Variants in TG observed in about 807,000 individuals in gnomAD.
The protein encoded by TG is thyroglobulin, also known as thyroid hormones.
In TG, 270 loss-of-function variants were observed where a neutral mutation model predicts 324.7. The ratio of observed to expected loss-of-function variants is 0.83; its 90% CI spans 0.75 to 0.92. TG has a LOEUF of 0.92. Among genes scored for constraint, TG ranks in the 40% least tolerant of loss-of-function variants. The pLI is 0.00. For missense variants in TG, 3,591 were observed against 3,456.4 expected (o/e 1.04, Z -0.98); for synonymous variants, 1,401 against 1,327.0 (o/e 1.06, Z -1.21).
chr8:133,039,948 T>G (rs1178941266), intron 41 of TG: 1 of 1,480,452 alleles, frequency 6.8e-7, no homozygotes, highest in East Asian at 2.6e-5. Context: ...ACAGAGCACT[T>G]GCATGCACAC....
intron 20 of TG, among the ~76,000 whole-genome samples, chr8:132,914,759 A>G (rs1181409065): frequency 3.3e-5 from 5 of 152,128 alleles, no homozygotes; most frequent in Non-Finnish European, 7.4e-5. Context: ...TTTCTATTCC[A>G]TCAGAGCTGC....
intron 43 of TG, among the ~76,000 whole-genome samples, 162 bp from the exon 44 acceptor site, chr8:133,113,260 G>T (rs138341313): frequency 6.6e-6 from 1 of 152,124 alleles, no homozygotes; most frequent in Non-Finnish European, 1.5e-5. Context: ...CTAGAAGGAG[G>T]CAGAGCTGGG....
intron 1 of TG, among the ~76,000 whole-genome samples, chr8:132,867,502 C>T (rs56180949): frequency 0.014 from 2,018 of 147,998 alleles, 51 homozygotes; most frequent in African/African-American, 0.047. Flanking sequence ...CATATGACTT[C>T]GGGCAAAGTG....
chr8:132,901,559 T>C lies in TG; in HGVS notation c.3634+6T>C. On this transcript the variant is annotated splice_donor_region_variant and intron_variant, in intron 16 of 47. Transcript: ENST00000220616. ...GGGCCAGCCCGCCTGTGAGAGTAAG[T>C]CATGACCCCCTGGGGGGACGACGAG... is the stretch of plus-strand genomic sequence containing the variant. 1 of 1,612,016 alleles carries C rather than the reference T, an allele frequency of 6.2e-7. No homozygotes were observed. Among genetic ancestry groups the C allele is most frequent in the Admixed American group, 1.7e-5 (1 of 59,992 alleles).
At position 132,923,462 on chromosome 8, in the gene TG, G is replaced by T. The variant is rs769342611; in HGVS notation, c.4653G>T (p.Leu1551=). 1.2e-6 allele frequency: 2 copies of T among 1,613,984 alleles called. No homozygotes were observed. Among genetic ancestry groups the T allele is most frequent in the African/African-American group, 2.7e-5 (2 of 74,920 alleles). The change falls in exon 22 of 48, where the codon CTG becomes CTT. Residue 1551 remains leucine, a synonymous_variant. Coordinates refer to ENST00000220616, the MANE Select transcript of TG (RefSeq NM_003235.5). The part of the protein sequence containing the change: ...AFCVDGEGRR[L]PWWETEAPLE... Reference sequence around the variant, plus strand: ...GTGTGGACGGCGAGGGGCGGAGGCTGCCATGGTGGGAAACAGAGGCCCCTC... The same window carrying T: ...GTGTGGACGGCGAGGGGCGGAGGCTTCCATGGTGGGAAACAGAGGCCCCTC...
At chr8:133,049,024 C>A (rs979236011) in intron 41 of TG, 8 of 368,322 alleles carry the variant, frequency 2.2e-5, no homozygotes, top group African/African-American at 1.3e-4. Flanking sequence ...TCTTTGCCAA[C>A]TTCCAGCTTC....
In TG at chr8:132,888,486, T is replaced by G. The variant is rs766551531; in HGVS notation, c.2679T>G (p.Phe893Leu). 2.5e-6 allele frequency: 4 copies of G among 1,610,306 alleles called. No homozygotes were observed. In the African/African-American group the frequency reaches 5.3e-5, roughly 22 times the overall value. Residue 893 changes from phenylalanine (F) to leucine (L), a missense_variant, in exon 10 of 48, where the codon TTT (phenylalanine) becomes TTG (leucine). Phe to Leu is a conservative substitution (Grantham distance 22). Transcript: ENST00000220616. ...YSDFSTPLAHFDLRNCWCVDE... is the reference protein window; with the variant it reads ...YSDFSTPLAHLDLRNCWCVDE... ...ACTTCAGCACTCCTTTGGCACATTT[T>G]GATCTTCGGAACTGCTGGTGTGTGG...
In TG at chr8:132,897,799, A is replaced by G. The variant is rs762595928; in HGVS notation, c.3139+13A>G. The G allele has an allele frequency of 5.6e-6, 9 of 1,613,874 alleles. No individual in the cohort carries two copies. In the East Asian group the frequency reaches 1.6e-4, roughly 28 times the overall value. On this transcript the variant is annotated intron_variant, in intron 12 of 47. Coordinates refer to ENST00000220616, the MANE Select transcript of TG (RefSeq NM_003235.5). Reference sequence around the variant, plus strand: ...CACGCTGGGACTGGTAAGGAGGGATAGGCACCTTCAGGTGGCCAAGTGACA... The same window carrying G: ...CACGCTGGGACTGGTAAGGAGGGATGGGCACCTTCAGGTGGCCAAGTGACA...
At chr8:133,125,116 G>T (rs923077174) in intron 45 of TG, among the ~76,000 whole-genome samples, 2 of 152,128 alleles carry the variant, frequency 1.3e-5, no homozygotes, top group Non-Finnish European at 2.9e-5. Context: ...TTTACCTAAC[G>T]CCGTCTATGC....
intron 23 of TG, among the ~76,000 whole-genome samples, chr8:132,930,557 C>T (rs1418837106): frequency 6.6e-6 from 1 of 152,026 alleles, no homozygotes; most frequent in African/African-American, 2.4e-5. Context: ...TGGTGGGTGC[C>T]TGTAATCCCA....
rs1389460758 is a variant in TG at position 133,011,925 on chromosome 8, T to C, written c.6287T>C (p.Leu2096Pro). 2 of 1,614,094 alleles carry C rather than the reference T, an allele frequency of 1.2e-6. No individual in the cohort carries two copies. The highest frequency in any genetic ancestry group is 8.5e-7 in the Non-Finnish European group (1 of 1,180,040). The change falls in exon 36 of 48, where the codon CTG becomes CCG. Residue 2096 changes from leucine to proline, a missense_variant. Coordinates refer to ENST00000220616, the MANE Select transcript of TG (RefSeq NM_003235.5). The part of the protein sequence containing the change: ...EKVSLDSWQS[L>P]ALSSVVVDPS... ...GTGTCTCTGGACTCGTGGCAGTCCC[T>C]GGCCCTCTCTTCAGTGGTTGTTGAT...
intron 35 of TG, among the ~76,000 whole-genome samples, chr8:132,987,418 TTCA>T (rs911681671): frequency 1.5e-5 from 2 of 137,662 alleles, no homozygotes; most frequent in Non-Finnish European, 3.2e-5. Context: ...ATGTAAAATA[TTCA>T]TCTTTATGTA....
chr8:133,017,608 G>A, intron 37 of TG, 170 bp from the exon 38 acceptor site: 1 of 700,860 alleles, frequency 1.4e-6, no homozygotes, highest in Non-Finnish European at 2.4e-6. Context: ...TGTTTACATT[G>A]AAAACCTGAC....
In TG at chr8:132,965,042, T is replaced by C. The variant is rs1587605221; in HGVS notation, c.5549-1518T>C. 3 of 664,100 alleles carry C rather than the reference T, an allele frequency of 4.5e-6. No homozygotes were observed. In the East Asian group the frequency reaches 8.1e-5, roughly 18 times the overall value. 41.1% of individuals were successfully genotyped at this position (664,100 alleles called of 1,614,324 possible). ...TTGTTTCTCTTCTCTTTCTGCTTTC[T>C]TGAGGGGCAATCTGTGATTTCCCTG... On this transcript the variant is annotated intron_variant, in intron 29 of 47. Transcript: ENST00000220616.
intron 44 of TG, 31 bp from the exon 45 acceptor site, chr8:133,116,578 C>A (rs200644440): frequency 1.9e-6 from 3 of 1,596,120 alleles, no homozygotes; most frequent in African/African-American, 1.3e-5. Context: ...CCATGTTTAA[C>A]CAGACTCCCC....
chr8:132,909,238 G>A (rs1819150739), intron 18 of TG, among the ~76,000 whole-genome samples: 1 of 152,154 alleles, frequency 6.6e-6, no homozygotes, highest in South Asian at 2.1e-4. Flanking sequence ...AGGTGGCAGT[G>A]CAGAACATGA....
intron 41 of TG, among the ~76,000 whole-genome samples, chr8:133,052,231 T>C (rs1840539233): frequency 6.6e-6 from 1 of 152,178 alleles, no homozygotes; most frequent in African/African-American, 2.4e-5. Flanking sequence ...GTGAGAAAGA[T>C]GAGTGAGGTT....
intron 34 of TG, among the ~76,000 whole-genome samples, chr8:132,982,859 G>A (rs549452744): frequency 2.0e-5 from 3 of 152,262 alleles, no homozygotes; most frequent in Non-Finnish European, 2.9e-5. Flanking sequence ...CACACGTTTC[G>A]ACTCTCTGCT....
chr8:133,027,181 G>A (rs1470606992), intron 40 of TG, among the ~76,000 whole-genome samples: 2 of 152,194 alleles, frequency 1.3e-5, no homozygotes, highest in East Asian at 1.9e-4. Context: ...CTATCAGATC[G>A]TTGAAGAGAT....
Sources: gnomAD v4.1 joint callset for allele counts (sites outside exome capture counted in the v4.1 genomes callset) on GRCh38, gnomAD v4.1.1 for gene constraint, MANE v1.5 for transcripts, NCBI Gene and HGNC (gene_info 2026-07-23, HGNC 2026-07-21) for gene names.